Variants in TRPM3 observed in about 807,000 individuals in gnomAD.
The protein encoded by TRPM3 is transient receptor potential cation channel subfamily M member 3, also known as long transient receptor potential channel 3.
A neutral mutation model predicts 181.2 loss-of-function variants in TRPM3; 77 were observed. The ratio of observed to expected loss-of-function variants is 0.42; its 90% confidence interval spans 0.35 to 0.51. The LOEUF (loss-of-function observed/expected upper bound fraction) is 0.51, where lower values mean the gene tolerates loss of function less well. Ranked by LOEUF, TRPM3 falls within the 20% of genes least tolerant of loss-of-function variation. The probability of loss-of-function intolerance (pLI) is 0.01; values close to 1 mark genes in which losing one functional copy is unlikely to be tolerated. For missense variants in TRPM3, 1,759 were observed against 2,196.7 expected, an observed-to-expected ratio of 0.80 and a Z score of 3.98; for synonymous variants, 745 against 796.4, an observed-to-expected ratio of 0.94 and a Z score of 1.09.
chr9:70,892,610 CAA>C (rs5898170), intron 1 of TRPM3, among the ~76,000 whole-genome samples: 2,944 of 121,810 alleles, frequency 0.024, 38 homozygotes, highest in Non-Finnish European at 0.037. Flanking sequence ...CGTTTGACCT[CAA>C]AAAAAAAAAA....
chr9:71,273,967 T>C (rs565077176), intron 1 of TRPM3, among the ~76,000 whole-genome samples: 9 of 152,326 alleles, frequency 5.9e-5, no homozygotes, highest in African/African-American at 2.2e-4. Context: ...TGCCACCTTT[T>C]ATCTCTGGGT....
intron 19 of TRPM3, among the ~76,000 whole-genome samples, chr9:70,606,336 T>G (rs374972302): frequency 8.5e-5 from 13 of 152,260 alleles, no homozygotes; most frequent in African/African-American, 2.9e-4. Context: ...TGTTCACACC[T>G]CTCTTCTTTT....
At chr9:71,351,936 C>T (rs949726185) in intron 1 of TRPM3, among the ~76,000 whole-genome samples, 10 of 143,604 alleles carry the variant, frequency 7.0e-5, no homozygotes, top group Non-Finnish European at 1.0e-4. Context: ...AGTGCTGTGG[C>T]GTGATCTTGG....
At chr9:70,935,990 A>G (rs185272118) in intron 1 of TRPM3, among the ~76,000 whole-genome samples, 18 of 152,280 alleles carry the variant, frequency 1.2e-4, no homozygotes, top group Admixed American at 1.0e-3. Context: ...TACTCCCTTC[A>G]AACACTTTCC....
At chr9:71,052,912 C>T (rs746660428) in intron 1 of TRPM3, among the ~76,000 whole-genome samples, 7 of 151,870 alleles carry the variant, frequency 4.6e-5, no homozygotes, top group African/African-American at 1.7e-4. Flanking sequence ...ACTGAAATGG[C>T]CACTGGAAGC....
chr9:71,279,155 C>A (rs1034739611), intron 1 of TRPM3, among the ~76,000 whole-genome samples: 1 of 150,990 alleles, frequency 6.6e-6, no homozygotes, highest in Admixed American at 6.6e-5. Context: ...AATTTGATTT[C>A]TTTAACAGAT....
intron 1 of TRPM3, among the ~76,000 whole-genome samples, chr9:71,323,521 T>C (rs1004154768): frequency 3.3e-5 from 5 of 152,144 alleles, no homozygotes; most frequent in African/African-American, 1.2e-4. Flanking sequence ...CTTTGTTGTC[T>C]GCAAGCTTTC....
chr9:70,877,591 G>A (rs4532663), intron 1 of TRPM3, among the ~76,000 whole-genome samples: 25,029 of 151,768 alleles, frequency 0.16, 2,473 homozygotes, highest in African/African-American at 0.28. Flanking sequence ...GATAAGTGTG[G>A]TATTATTTTG....
intron 1 of TRPM3, among the ~76,000 whole-genome samples, chr9:71,196,862 T>C (rs1043685715): frequency 7.8e-6 from 1 of 128,706 alleles, no homozygotes; most frequent in African/African-American, 2.7e-5. Flanking sequence ...AAATTGGGCC[T>C]TTCTTTTTAT....
rs1423307750 is a variant in TRPM3 at position 71,444,720 on chromosome 9, T to C, written c.183+1933A>G. Among the ~76,000 whole-genome samples, 3 of 152,326 alleles carry C rather than the reference T, an allele frequency of 2.0e-5. No individual in the cohort carries two copies. The East Asian group carries it at 5.8e-4, about 29-fold the overall frequency. ...CTCCTGTTTGCATAGATAAGTTGGGTGTCTCACTTACAAATGAAGTCAAAA... is the reference window on the plus strand; with the variant it reads ...CTCCTGTTTGCATAGATAAGTTGGGCGTCTCACTTACAAATGAAGTCAAAA... On this transcript the variant is annotated intron_variant, in intron 1 of 24. Transcript: ENST00000357533.
At chr9:71,041,743 C>T (rs960896075) in intron 1 of TRPM3, among the ~76,000 whole-genome samples, 3 of 152,076 alleles carry the variant, frequency 2.0e-5, no homozygotes, top group Admixed American at 2.0e-4. Context: ...GTTTCTTCTC[C>T]TTTGTCCTTA....
At chr9:70,587,128 A>G (rs2057282045) in intron 22 of TRPM3, among the ~76,000 whole-genome samples, 1 of 152,088 alleles carries the variant, frequency 6.6e-6, no homozygotes, top group African/African-American at 2.4e-5. Flanking sequence ...AGGCAGTAAG[A>G]AAAAAAAGTA....
At chr9:70,564,678 G>A (rs1395486420) in intron 22 of TRPM3, among the ~76,000 whole-genome samples, 1 of 152,146 alleles carries the variant, frequency 6.6e-6, no homozygotes, top group African/African-American at 2.4e-5. Flanking sequence ...CAGTGAGCCA[G>A]ACTGCATGTC....
At chr9:71,075,308 G>C (rs976149971) in intron 1 of TRPM3, among the ~76,000 whole-genome samples, 1 of 152,148 alleles carries the variant, frequency 6.6e-6, no homozygotes, top group African/African-American at 2.4e-5. Flanking sequence ...TGCCATCAGT[G>C]AAATTTCACA....
chr9:70,548,554 T>G (rs1200810534), intron 25 of TRPM3, among the ~76,000 whole-genome samples: 1 of 152,260 alleles, frequency 6.6e-6, no homozygotes, highest in African/African-American at 2.4e-5. Context: ...CTTAAAAGCC[T>G]GAGCCATTCT....
At chr9:71,416,889 G>A (rs1054476543) in intron 1 of TRPM3, among the ~76,000 whole-genome samples, 1 of 151,844 alleles carries the variant, frequency 6.6e-6, no homozygotes, top group African/African-American at 2.4e-5. Context: ...AAATTAGACT[G>A]GTCTTTTCTG....
At chr9:70,861,298 A>G (rs377573605) in intron 3 of TRPM3, among the ~76,000 whole-genome samples, 33 of 152,264 alleles carry the variant, frequency 2.2e-4, no homozygotes, top group African/African-American at 7.5e-4. Flanking sequence ...ATGAGTGCAC[A>G]TTTGGACAAT....
intron 9 of TRPM3, among the ~76,000 whole-genome samples, chr9:70,644,041 A>G (rs1307442617): frequency 6.6e-6 from 1 of 152,196 alleles, no homozygotes; most frequent in Non-Finnish European, 1.5e-5. Flanking sequence ...AATTAAATAC[A>G]TTATTTCATG....
intron 1 of TRPM3, among the ~76,000 whole-genome samples, chr9:71,341,100 A>G (rs1457532739): frequency 1.3e-5 from 2 of 152,182 alleles, no homozygotes; most frequent in Admixed American, 6.6e-5. Flanking sequence ...ATAACTGAAT[A>G]AACTGGGAAA....
Sources: gnomAD v4.1 joint callset for allele counts (sites outside exome capture counted in the v4.1 genomes callset) on GRCh38, gnomAD v4.1.1 for gene constraint, MANE v1.5 for transcripts, NCBI Gene and HGNC (gene_info 2026-07-23, HGNC 2026-07-21) for gene names.